THSD7A: variants seen among roughly 807,000 people sequenced by gnomAD.
THSD7A encodes the protein thrombospondin type-1 domain-containing protein 7A.
Under a neutral mutation model 231.3 loss-of-function variants are expected in THSD7A, and 96 were observed. That is an observed-to-expected ratio of 0.41 (90% confidence interval 0.35 to 0.49). THSD7A has a LOEUF of 0.49. Among genes scored for constraint, THSD7A ranks in the 20% least tolerant of loss-of-function variants. The probability of loss-of-function intolerance (pLI) is 0.05; values close to 1 mark genes in which losing one functional copy is unlikely to be tolerated. For missense variants in THSD7A, 2,290 were observed against 2,070.2 expected (o/e 1.11, Z -2.06); for synonymous variants, 940 against 743.3 (o/e 1.26, Z -4.30).
In THSD7A at chr7:11,590,788, G is replaced by T; in HGVS notation, c.1272-147C>A. 2 of 912,470 alleles carry T rather than the reference G, an allele frequency of 2.2e-6. No homozygotes were observed. Among genetic ancestry groups the T allele is most frequent in the Non-Finnish European group, 3.2e-6 (2 of 632,672 alleles). 56.5% of individuals were successfully genotyped at this position (912,470 alleles called of 1,614,324 possible). Reference sequence around the variant, plus strand: ...TAGACTACATCTATGGTGCATATTTGGTTTCAACTCCTTTATGCTCTGCAG... The same window carrying T: ...TAGACTACATCTATGGTGCATATTTTGTTTCAACTCCTTTATGCTCTGCAG... On this transcript the variant is annotated intron_variant, in intron 3 of 27. Transcript: ENST00000423059. This position sits in a 1 kb window ranked among gnomAD's most constrained non-coding sequence, Gnocchi z 4.4.
intron 2 of THSD7A, among the ~76,000 whole-genome samples, chr7:11,621,561 C>T (rs1299907644): frequency 2.0e-5 from 3 of 152,004 alleles, no homozygotes; most frequent in Admixed American, 6.6e-5. Flanking sequence ...GAAAACCTCA[C>T]ATTATTCTGA....
chr7:11,463,893 A>C (rs1220332607), intron 9 of THSD7A, among the ~76,000 whole-genome samples: 1 of 152,112 alleles, frequency 6.6e-6, no homozygotes, highest in Non-Finnish European at 1.5e-5. Flanking sequence ...CCAGGTGATA[A>C]ATTCCTTTAA....
chr7:11,460,735 T>A lies in THSD7A; in HGVS notation c.2532A>T (p.Gln844His). The change falls in exon 11 of 28, where the codon CAA (glutamine) becomes CAT (histidine). Residue 844 changes from glutamine (Q) to histidine (H), a missense_variant. Physicochemically the swap from Gln to His is conservative, Grantham distance 24 (BLOSUM62 0). Transcript: ENST00000423059. The stretch of plus-strand genomic sequence containing the variant: ...CTTGTTGCACGCTCCAAGGGACTAA[T>A]TGGCATCTGCGCCATTTGTGAGTCT... ...RWKTHKWRRCQLVPWSVQQDS... is the reference protein window; with the variant it reads ...RWKTHKWRRCHLVPWSVQQDS... 1 of 1,612,618 alleles carries A rather than the reference T, an allele frequency of 6.2e-7. No homozygotes were observed. Among genetic ancestry groups the A allele is most frequent in the South Asian group, 1.1e-5 (1 of 90,718 alleles).
chr7:11,729,882 A>G (rs1420661146), intron 1 of THSD7A, among the ~76,000 whole-genome samples: 1 of 151,768 alleles, frequency 6.6e-6, no homozygotes, highest in Non-Finnish European at 1.5e-5. Context: ...TATTTTAGAT[A>G]AAGTTTAGTA....
In THSD7A at chr7:11,406,590, T is replaced by G. The variant is rs1286576950; in HGVS notation, c.4063-116A>C. ...ATTTATGAACATTTAGAGAAGGATT[T>G]GAAACCCTAGGGAAGAAGCCCTATA... On this transcript the variant is annotated intron_variant, in intron 21 of 27. Transcript: ENST00000423059. This position sits in a 1 kb window ranked among gnomAD's most constrained non-coding sequence, Gnocchi z 4.7. 8.4e-7 allele frequency: 1 copy of G among 1,196,548 alleles called. No individual in the cohort carries two copies. The highest frequency in any genetic ancestry group is 1.5e-5 in the African/African-American group (1 of 64,698). The allele number at this position is 1,196,548 out of a possible 1,614,324, so 74.1% of individuals were successfully genotyped here. A position where few individuals can be genotyped will look rare whatever the true frequency, so the allele number is the denominator to read the frequency against.
At chr7:11,657,270 T>G (rs1250114842) in intron 1 of THSD7A, among the ~76,000 whole-genome samples, 1 of 151,804 alleles carries the variant, frequency 6.6e-6, no homozygotes, top group African/African-American at 2.4e-5. Flanking sequence ...ATCATGAGAT[T>G]TGAGTTGGAT....
chr7:11,404,489 C>T (rs1225631452), intron 22 of THSD7A, among the ~76,000 whole-genome samples: 1 of 152,186 alleles, frequency 6.6e-6, no homozygotes, highest in Non-Finnish European at 1.5e-5. Context: ...CTTTTTGTTG[C>T]CTCTATGGCC....
In THSD7A at chr7:11,400,175, G is replaced by A. The variant is rs10224667; in HGVS notation, c.4411+1620C>T. On this transcript the variant is annotated intron_variant, in intron 23 of 27. Coordinates refer to ENST00000423059, the MANE Select transcript of THSD7A (RefSeq NM_015204.3). ...GCGGCCTGTTATGGGGTCGGGGGAG[G>A]GGGGAGGGATAGCATTAGAAGATAT... Among the ~76,000 whole-genome samples the A allele has an allele frequency of 1.1e-4, 13 of 119,502 alleles. No individual in the cohort carries two copies. In the East Asian group the frequency reaches 2.6e-3, roughly 24 times the overall value. The allele number at this position is 119,502 out of a possible 152,430, so 78.4% of individuals were successfully genotyped here.
intron 3 of THSD7A, among the ~76,000 whole-genome samples, chr7:11,591,156 A>T (rs1562750973): frequency 1.4e-5 from 2 of 142,708 alleles, no homozygotes; most frequent in African/African-American, 2.6e-5. Context: ...CAAGAATAAG[A>T]TTTTTTTTTT....
Position 11,382,924 on chromosome 7 carries a change from T to TTATATA in THSD7A, c.4412-314_4412-309dup, listed in dbSNP as rs140393382. ...AGAGAATAACTGTATATATATATAG[T>TTATATA]TATATATATATATATATCTCCCATC... On this transcript the variant is annotated intron_variant, in intron 23 of 27. Coordinates refer to ENST00000423059, the MANE Select transcript of THSD7A (RefSeq NM_015204.3). Among the ~76,000 whole-genome samples the TTATATA allele has an allele frequency of 1.4e-3, 213 of 147,456 alleles. 2 individuals are homozygous for TTATATA. The East Asian group carries it at 0.021, about 15-fold the overall frequency.
intron 1 of THSD7A, among the ~76,000 whole-genome samples, chr7:11,757,032 AATAG>A (rs1332097079): frequency 1.3e-5 from 2 of 151,792 alleles, no homozygotes; most frequent in Non-Finnish European, 2.9e-5. Flanking sequence ...TGTCTAATTA[AATAG>A]ATATTCTTTT....
intron 23 of THSD7A, among the ~76,000 whole-genome samples, chr7:11,386,901 AG>A (rs1304984284): frequency 2.6e-5 from 4 of 152,184 alleles, no homozygotes; most frequent in African/African-American, 7.2e-5. Context: ...GGTGTAAGGA[AG>A]GGGTCCAGTT....
intron 6 of THSD7A, among the ~76,000 whole-genome samples, chr7:11,494,973 G>C (rs1787040442): frequency 6.6e-6 from 1 of 152,054 alleles, no homozygotes; most frequent in Non-Finnish European, 1.5e-5. Context: ...TTTGGGAGAT[G>C]AAACTGCAGT....
Position 11,656,868 on chromosome 7 carries a change from T to C in THSD7A, c.191-19907A>G, listed in dbSNP as rs150764239. On this transcript the variant is annotated intron_variant, in intron 1 of 27. Coordinates refer to ENST00000423059, the MANE Select transcript of THSD7A (RefSeq NM_015204.3). ...ATTGTAAGAAAAATCAAATTGTTTT[T>C]AATATAGAAAAACAAAGGACAAACA... 4.2e-3 allele frequency among the ~76,000 whole-genome samples: 639 copies of C among 151,992 alleles called. 3 individuals are homozygous for C. Among genetic ancestry groups the C allele is most frequent in the African/African-American group, 0.015 (607 of 41,526 alleles).
In THSD7A at chr7:11,424,770, G is replaced by A. The variant is rs773447666; in HGVS notation, c.3309C>T (p.Pro1103=). ...CAAAGGTCACCTTGCAGATGCTCCAGGGCTCTGTGACCCATAGGTACTGGT... is the reference window on the plus strand; with the variant it reads ...CAAAGGTCACCTTGCAGATGCTCCAAGGCTCTGTGACCCATAGGTACTGGT... ...DCNQYLWVTE[P]WSICKVTFVN... Residue 1103 remains proline, a synonymous_variant, in exon 16 of 28, where the codon CCC becomes CCT. Coordinates refer to ENST00000423059, the MANE Select transcript of THSD7A (RefSeq NM_015204.3). 2.5e-6 allele frequency: 4 copies of A among 1,613,994 alleles called. No individual in the cohort carries two copies. In the Admixed American group the frequency reaches 5.0e-5, roughly 20 times the overall value.
intron 1 of THSD7A, among the ~76,000 whole-genome samples, chr7:11,731,859 G>A (rs1192098881): frequency 1.3e-5 from 2 of 150,418 alleles, no homozygotes; most frequent in Admixed American, 6.6e-5. Flanking sequence ...CTTTAGAAAC[G>A]TTATTTAAAA....
rs144337342 is a variant in THSD7A, at chr7:11,544,203, G to A, written c.1454-1086C>T. Among the ~76,000 whole-genome samples the A allele has an allele frequency of 4.0e-3, 611 of 152,182 alleles. 2 individuals are homozygous for A. Among genetic ancestry groups the A allele is most frequent in the Non-Finnish European group, 6.2e-3 (424 of 68,002 alleles). ...CTAAAAATACAAAAATTAGCTGGGC[G>A]TGGTGGTGCACACCTGTAGTCCCAG... On this transcript the variant is annotated intron_variant, in intron 4 of 27. Coordinates refer to ENST00000423059, the MANE Select transcript of THSD7A (RefSeq NM_015204.3).
intron 1 of THSD7A, among the ~76,000 whole-genome samples, chr7:11,649,776 G>A (rs531646746): frequency 1.1e-3 from 168 of 151,992 alleles, no homozygotes; most frequent in Non-Finnish European, 2.1e-3. Context: ...CAATTAACTG[G>A]GTGATCTAGC....
chr7:11,766,534 C>T (rs2128169957), intron 1 of THSD7A, among the ~76,000 whole-genome samples: 1 of 152,182 alleles, frequency 6.6e-6, no homozygotes, highest in African/African-American at 2.4e-5. Context: ...AAACGTTTAT[C>T]CTTATAGAGA....
Sources: allele counts gnomAD v4.1 joint callset (sites outside exome capture counted in the v4.1 genomes callset), GRCh38; gene constraint gnomAD v4.1.1; non-coding constraint Gnocchi (gnomAD v3.1); transcripts MANE v1.5; gene names NCBI Gene and HGNC (gene_info 2026-07-23, HGNC 2026-07-21).